The following SLC12A2 variants were observed in gnomAD, a reference collection of about 807,000 sequenced individuals.
SLC12A2 encodes the protein solute carrier family 12 member 2.
Under a neutral mutation model 136.3 loss-of-function variants are expected in SLC12A2, and 67 were observed. The observed-to-expected ratio is 0.49, with a 90% confidence interval of 0.40 to 0.60. The LOEUF is 0.60. SLC12A2 is among the 20% of genes least tolerant of loss of function. SLC12A2 has a pLI of 0.00. For missense variants in SLC12A2, 1,322 were observed against 1,534.7 expected, an observed-to-expected ratio of 0.86 and a Z score of 2.32; for synonymous variants, 619 against 562.9, an observed-to-expected ratio of 1.10 and a Z score of -1.41.
rs564503110 is a variant in SLC12A2 at position 128,104,640 on chromosome 5, G to GAA, written c.757-8166_757-8165dup. ...GAGCAAGACTCCATCTCAAAAAAAA[G>GAA]AAAAAAAAATATATATATATAGATA... On this transcript the variant is annotated intron_variant, in intron 1 of 26. Transcript: ENST00000262461. Among the ~76,000 whole-genome samples, 802 of 138,618 alleles carry GAA rather than the reference G, an allele frequency of 5.8e-3. 7 individuals are homozygous for GAA. Among genetic ancestry groups the GAA allele is most frequent in the African/African-American group, 0.021 (759 of 35,752 alleles). 90.9% of individuals were successfully genotyped at this position (138,618 alleles called of 152,430 possible).
chr5:128,167,222 C>G (rs908915411), intron 17 of SLC12A2, among the ~76,000 whole-genome samples: 1 of 152,012 alleles, frequency 6.6e-6, no homozygotes, highest in African/African-American at 2.4e-5. Context: ...TATTGTTAAA[C>G]ATACTGAGTT....
intron 1 of SLC12A2, among the ~76,000 whole-genome samples, chr5:128,087,179 A>G (rs748978520): frequency 2.6e-5 from 4 of 152,228 alleles, no homozygotes; most frequent in Non-Finnish European, 4.4e-5. Flanking sequence ...AAAGATAAAT[A>G]TCCTTGGTGC....
At chr5:128,120,186 A>G (rs1225405634) in intron 4 of SLC12A2, among the ~76,000 whole-genome samples, 21 of 152,092 alleles carry the variant, frequency 1.4e-4, no homozygotes, top group South Asian at 8.3e-4. Context: ...TTAGAATGGC[A>G]ATCATTAAAA....
At chr5:128,085,919 T>C (rs1260844449) in intron 1 of SLC12A2, among the ~76,000 whole-genome samples, 1 of 152,214 alleles carries the variant, frequency 6.6e-6, no homozygotes, top group Admixed American at 6.5e-5. Context: ...GTTATTCCAT[T>C]GTGGTATTTT....
At position 128,157,704 on chromosome 5, in the gene SLC12A2, CTG is replaced by C. The variant is rs147478654; in HGVS notation, c.2364-346_2364-345del. ...GTGCTCGCAGGAAGTTATGCAAACT[CTG>C]TGAAAGAATTATTAACAGAATATTT... On this transcript the variant is annotated intron_variant, in intron 15 of 26. Coordinates refer to ENST00000262461, the MANE Select transcript of SLC12A2 (RefSeq NM_001046.3). 9.6e-3 allele frequency among the ~76,000 whole-genome samples: 1,457 copies of C among 152,130 alleles called. 25 individuals carry two copies. The highest frequency in any genetic ancestry group is 0.033 in the African/African-American group (1,376 of 41,526).
At chr5:128,113,765 A>G (rs1236595980) in intron 2 of SLC12A2, among the ~76,000 whole-genome samples, 1 of 152,066 alleles carries the variant, frequency 6.6e-6, no homozygotes, top group African/African-American at 2.4e-5. Context: ...AATGTGAACA[A>G]TTGGCATTTT....
intron 1 of SLC12A2, among the ~76,000 whole-genome samples, chr5:128,097,695 C>G (rs550097232): frequency 2.0e-5 from 3 of 152,194 alleles, no homozygotes; most frequent in East Asian, 3.9e-4. Flanking sequence ...TCTCTTTCCT[C>G]AGTGCTCTTG....
At chr5:128,155,829 A>G (rs1229434255) in intron 15 of SLC12A2, among the ~76,000 whole-genome samples, 1 of 151,996 alleles carries the variant, frequency 6.6e-6, no homozygotes, top group Non-Finnish European at 1.5e-5. Context: ...TTTCTTTTTG[A>G]TCTGATTAGA....
chr5:128,110,119 T>C (rs1302760795), intron 1 of SLC12A2: 6 of 926,090 alleles, frequency 6.5e-6, no homozygotes, highest in Non-Finnish European at 1.1e-5. Context: ...GGTTTTAGAA[T>C]TTTCATGGAT....
chr5:128,145,181 T>G (rs1465118306), intron 10 of SLC12A2, among the ~76,000 whole-genome samples: 2 of 152,082 alleles, frequency 1.3e-5, no homozygotes, highest in Non-Finnish European at 2.9e-5. Context: ...TTATAACTGA[T>G]GGAAGAAGGG....
At chr5:128,101,153 G>A (rs192857235) in intron 1 of SLC12A2, among the ~76,000 whole-genome samples, 1 of 152,120 alleles carries the variant, frequency 6.6e-6, no homozygotes, top group Non-Finnish European at 1.5e-5. Flanking sequence ...GTCTGTATGG[G>A]GAGCATTACA....
intron 4 of SLC12A2, among the ~76,000 whole-genome samples, chr5:128,119,681 C>G (rs1761482393): frequency 6.6e-6 from 1 of 152,114 alleles, no homozygotes; most frequent in South Asian, 2.1e-4. Context: ...GTTCTTTTGG[C>G]TTCCTTACAC....
At chr5:128,175,806 G>A (rs1763523171) in intron 20 of SLC12A2, among the ~76,000 whole-genome samples, 2 of 151,752 alleles carry the variant, frequency 1.3e-5, no homozygotes, top group Non-Finnish European at 2.9e-5. Flanking sequence ...AGATTTCCTT[G>A]ACATTTCTGA....
chr5:128,144,316 G>A (rs1449555668), intron 10 of SLC12A2, among the ~76,000 whole-genome samples: 1 of 152,168 alleles, frequency 6.6e-6, no homozygotes, highest in African/African-American at 2.4e-5. Flanking sequence ...GATACAACAT[G>A]AGGGAAAATC....
intron 17 of SLC12A2, 107 bp downstream of exon 17, chr5:128,161,907 C>T: frequency 5.3e-6 from 4 of 759,696 alleles, no homozygotes; most frequent in Non-Finnish European, 7.4e-6. Context: ...AATGGCAAAT[C>T]TTTTTTTATG....
chr5:128,086,800 A>G (rs908142907), intron 1 of SLC12A2, among the ~76,000 whole-genome samples: 21 of 152,214 alleles, frequency 1.4e-4, no homozygotes, highest in African/African-American at 5.1e-4. Context: ...AGGGGCAGAC[A>G]GGAGGGGTTA....
chr5:128,171,806 A>G, intron 19 of SLC12A2, 60 bp downstream of exon 19: 2 of 995,844 alleles, frequency 2.0e-6, no homozygotes, highest in Admixed American at 2.3e-5. Context: ...TTGTTAGAAA[A>G]TTATATTCTC....
intron 1 of SLC12A2, among the ~76,000 whole-genome samples, chr5:128,094,189 G>A (rs1760438368): frequency 6.6e-6 from 1 of 150,996 alleles, no homozygotes; most frequent in African/African-American, 2.4e-5. Flanking sequence ...TCCATGAGAA[G>A]CTGACTTTGT....
intron 1 of SLC12A2, chr5:128,111,065 G>A (rs1761125706): frequency 6.6e-6 from 4 of 603,226 alleles, no homozygotes; most frequent in African/African-American, 3.7e-5. Flanking sequence ...ATTTTTTTAA[G>A]TATTAATTCC....
Sources: allele counts gnomAD v4.1 joint callset (sites outside exome capture counted in the v4.1 genomes callset), GRCh38; gene constraint gnomAD v4.1.1; transcripts MANE v1.5; gene names NCBI Gene and HGNC (gene_info 2026-07-23, HGNC 2026-07-21).